The following LRRC4C variants were observed in gnomAD, a reference collection of about 807,000 sequenced individuals.
The protein encoded by LRRC4C is leucine rich repeat containing 4C.
In LRRC4C, 5 loss-of-function variants were observed where a neutral mutation model predicts 33.6. That is an observed-to-expected ratio of 0.15 (90% confidence interval 0.08 to 0.31). The LOEUF (loss-of-function observed/expected upper bound fraction) is 0.31. Ranked by LOEUF, LRRC4C falls within the 10% of genes least tolerant of loss-of-function variation. LRRC4C has a pLI of 1.00. For missense variants in LRRC4C, 560 were observed against 796.7 expected (o/e 0.70, Z 3.58); for synonymous variants, 329 against 302.0 (o/e 1.09, Z -0.93).
intron 1 of LRRC4C, among the ~76,000 whole-genome samples, chr11:41,132,977 A>C (rs1357646445): frequency 6.6e-6 from 1 of 152,198 alleles, no homozygotes; most frequent in Middle Eastern, 3.2e-3. Context: ...GAAAAGCTAA[A>C]TATGTGATAG....
chr11:40,727,944 G>A (rs2136747702), intron 2 of LRRC4C, among the ~76,000 whole-genome samples: 1 of 152,258 alleles, frequency 6.6e-6, no homozygotes, highest in East Asian at 1.9e-4. Context: ...TGGGGAGGCT[G>A]AGGCAGGATA....
intron 1 of LRRC4C, among the ~76,000 whole-genome samples, chr11:41,014,596 C>T (rs531830361): frequency 4.6e-5 from 7 of 151,652 alleles, no homozygotes; most frequent in African/African-American, 1.7e-4. Flanking sequence ...GAGGCCCACA[C>T]ATTTCATAAA....
At chr11:40,934,280 A>T (rs974647772) in intron 1 of LRRC4C, among the ~76,000 whole-genome samples, 1 of 151,994 alleles carries the variant, frequency 6.6e-6, no homozygotes, top group African/African-American at 2.4e-5. Context: ...ACTAATCTCT[A>T]CCTCATCCGT....
At chr11:40,734,197 C>G (rs1026779690) in intron 2 of LRRC4C, among the ~76,000 whole-genome samples, 12 of 152,032 alleles carry the variant, frequency 7.9e-5, no homozygotes, top group African/African-American at 2.9e-4. Flanking sequence ...ATAAAAGACA[C>G]ATAAGAATTT....
At chr11:40,518,801 A>ACATGTT (rs1555088261) in intron 3 of LRRC4C, among the ~76,000 whole-genome samples, 1 of 150,978 alleles carries the variant, frequency 6.6e-6, no homozygotes. Flanking sequence ...ACATGCACAC[A>ACATGTT]TATTGCGGCA....
At chr11:40,766,770 C>T (rs1949492158) in intron 2 of LRRC4C, among the ~76,000 whole-genome samples, 1 of 150,506 alleles carries the variant, frequency 6.6e-6, no homozygotes, top group Non-Finnish European at 1.5e-5. Flanking sequence ...AAATAAAAAA[C>T]CTACAAGAGA....
chr11:40,936,972 T>C (rs1957929266), intron 1 of LRRC4C, among the ~76,000 whole-genome samples: 1 of 152,114 alleles, frequency 6.6e-6, no homozygotes, highest in South Asian at 2.1e-4. Flanking sequence ...GGAAGACTCA[T>C]GATAAATTAA....
At chr11:41,013,056 A>C (rs116766849) in intron 1 of LRRC4C, among the ~76,000 whole-genome samples, 1 of 152,216 alleles carries the variant, frequency 6.6e-6, no homozygotes, top group African/African-American at 2.4e-5. Context: ...CACTTAATAC[A>C]TAATTCACAG....
chr11:40,989,675 G>C (rs1853362127), intron 1 of LRRC4C, among the ~76,000 whole-genome samples: 1 of 151,868 alleles, frequency 6.6e-6, no homozygotes, highest in Non-Finnish European at 1.5e-5. Flanking sequence ...TGATTTTGTG[G>C]GTGGGGGAGA....
intron 5 of LRRC4C, among the ~76,000 whole-genome samples, chr11:40,234,778 AC>A (rs756188896): frequency 6.6e-6 from 1 of 152,232 alleles, no homozygotes; most frequent in Non-Finnish European, 1.5e-5. Context: ...CTTAAAACAA[AC>A]AAAAAACCTT....
intron 3 of LRRC4C, among the ~76,000 whole-genome samples, chr11:40,487,015 G>A (rs573274483): frequency 6.6e-6 from 1 of 152,116 alleles, no homozygotes; most frequent in East Asian, 1.9e-4. Context: ...GAAGCCGATA[G>A]GGTTAAGAAA....
chr11:41,040,629 C>A (rs907206600), intron 1 of LRRC4C, among the ~76,000 whole-genome samples: 11 of 152,194 alleles, frequency 7.2e-5, no homozygotes, highest in Admixed American at 4.6e-4. Context: ...AAAAGGACTT[C>A]AAATAAAGGG....
In LRRC4C at chr11:40,759,434, T is replaced by A. The variant is rs111297319; in HGVS notation, c.-406-111156A>T. 9.0e-4 allele frequency among the ~76,000 whole-genome samples: 136 copies of A among 151,816 alleles called. 1 individual carries two copies. The highest frequency in any genetic ancestry group is 3.2e-3 in the African/African-American group (134 of 41,472). On this transcript the variant is annotated intron_variant, in intron 2 of 6. Transcript: ENST00000528697. Reference sequence around the variant, plus strand: ...AAACCATGTGACATCAAATACCATCTTAAGATTTGCTCAATACTGTAACTT... The same window carrying A: ...AAACCATGTGACATCAAATACCATCATAAGATTTGCTCAATACTGTAACTT...
At chr11:41,172,662 C>T (rs1945026561) in intron 1 of LRRC4C, among the ~76,000 whole-genome samples, 1 of 152,100 alleles carries the variant, frequency 6.6e-6, no homozygotes, top group African/African-American at 2.4e-5. Flanking sequence ...AAATTCCTCT[C>T]CTCCAACCAG....
chr11:41,040,531 C>T (rs1198140541), intron 1 of LRRC4C, among the ~76,000 whole-genome samples: 4 of 152,180 alleles, frequency 2.6e-5, no homozygotes, highest in African/African-American at 9.7e-5. Flanking sequence ...AGTCTCTCAA[C>T]AGCAGTTCTC....
chr11:40,718,849 G>A (rs915731393), intron 2 of LRRC4C, among the ~76,000 whole-genome samples: 10 of 152,040 alleles, frequency 6.6e-5, no homozygotes, highest in African/African-American at 2.4e-4. Context: ...AGTCACTGGA[G>A]ACAGATAAAG....
In LRRC4C at chr11:41,254,313, G is replaced by T. The variant is rs537777038; in HGVS notation, c.-496+205118C>A. ...CATCACCTTCATTTTTCAAAGTCGG[G>T]AATCATTGGTCTACGTGGATCAATC... On this transcript the variant is annotated intron_variant, in intron 1 of 6. Transcript: ENST00000528697. Among the ~76,000 whole-genome samples, 11 of 152,012 alleles carry T rather than the reference G, an allele frequency of 7.2e-5. No individual in the cohort carries two copies. The South Asian group carries it at 1.5e-3, about 20-fold the overall frequency.
chr11:40,562,979 A>T (rs1309144367), intron 3 of LRRC4C, among the ~76,000 whole-genome samples: 7 of 146,720 alleles, frequency 4.8e-5, no homozygotes, highest in Non-Finnish European at 8.9e-5. Flanking sequence ...TCACCTAGTG[A>T]TCAGAAGGCT....
chr11:40,660,781 G>T (rs917346286), intron 2 of LRRC4C, among the ~76,000 whole-genome samples: 2 of 152,094 alleles, frequency 1.3e-5, no homozygotes, highest in African/African-American at 4.8e-5. Flanking sequence ...CATTTACCAT[G>T]ATAATTTCCA....
Sources: allele counts gnomAD v4.1 joint callset (sites outside exome capture counted in the v4.1 genomes callset), GRCh38; gene constraint gnomAD v4.1.1; transcripts MANE v1.5; gene names NCBI Gene and HGNC (gene_info 2026-07-23, HGNC 2026-07-21).